Variants in RAPGEF5 observed in about 807,000 individuals in gnomAD.
RAPGEF5 encodes the protein Rap guanine nucleotide exchange factor 5, also known as M-Ras-regulated GEF.
In RAPGEF5, 65 loss-of-function variants were observed where a neutral mutation model predicts 125.2. The observed-to-expected ratio is 0.52, with a 90% CI of 0.43 to 0.64. The LOEUF is 0.64. Ranked by LOEUF, RAPGEF5 falls within the 30% of genes least tolerant of loss-of-function variation. RAPGEF5 has a pLI of 0.00. For missense variants in RAPGEF5, 958 were observed against 1,048.1 expected (o/e 0.91, Z 1.19); for synonymous variants, 391 against 385.9 (o/e 1.01, Z -0.16).
At chr7:22,301,510 G>A (rs1193468657) in intron 5 of RAPGEF5, among the ~76,000 whole-genome samples, 1 of 151,212 alleles carries the variant, frequency 6.6e-6, no homozygotes, top group Non-Finnish European at 1.5e-5. Context: ...AGCTACTTGA[G>A]AGGCTGCGGC....
chr7:22,344,100 G>A (rs1784179489), intron 1 of RAPGEF5, among the ~76,000 whole-genome samples: 1 of 152,132 alleles, frequency 6.6e-6, no homozygotes, highest in South Asian at 2.1e-4. Flanking sequence ...CTACGGTGAA[G>A]CCCAGCATCA....
chr7:22,315,556 T>G (rs1207108558), intron 2 of RAPGEF5, 80 bp from the exon 3 acceptor site: 1 of 569,214 alleles, frequency 1.8e-6, no homozygotes, highest in South Asian at 8.0e-5. Context: ...ACTATATATA[T>G]ATATATATAT....
intron 1 of RAPGEF5, among the ~76,000 whole-genome samples, chr7:22,327,734 G>A (rs528447501): frequency 3.3e-5 from 5 of 152,312 alleles, no homozygotes; most frequent in African/African-American, 1.2e-4. Context: ...TTTTAAGGTT[G>A]TTGTAAAAAC....
chr7:22,188,192 T>C (rs750198265), intron 11 of RAPGEF5, among the ~76,000 whole-genome samples: 1 of 152,210 alleles, frequency 6.6e-6, no homozygotes, highest in Non-Finnish European at 1.5e-5. Context: ...GGGGTTATTA[T>C]GGTCTGGCAA....
At chr7:22,229,069 C>T (rs546801774) in intron 8 of RAPGEF5, among the ~76,000 whole-genome samples, 4 of 152,220 alleles carry the variant, frequency 2.6e-5, no homozygotes, top group South Asian at 2.1e-4. Flanking sequence ...AAGACTTAGG[C>T]GACCTACAGG....
In RAPGEF5 at chr7:22,162,428, G is replaced by T. The variant is rs28716840; in HGVS notation, c.1397C>A (p.Pro466His). Residue 466 changes from proline to histidine, a missense_variant, in exon 13 of 26, where the codon CCT becomes CAT. Physicochemically the swap from Pro to His is moderately conservative, Grantham distance 77 (BLOSUM62 -2). Coordinates refer to ENST00000665637, the MANE Select transcript of RAPGEF5 (RefSeq NM_012294.5). Reference protein sequence around the residue: ...QWIALYKDWLPEDEHSKMFLK... With the variant: ...QWIALYKDWLHEDEHSKMFLK... ...AAACATTTTTGAATGTTCATCTTCAGGTAACCAGTCTTTGTACAGAGCAAT... is the reference window on the plus strand; with the variant it reads ...AAACATTTTTGAATGTTCATCTTCATGTAACCAGTCTTTGTACAGAGCAAT... 0.024 allele frequency: 38,426 copies of T among 1,595,860 alleles called. 619 individuals are homozygous for T. The highest frequency in any genetic ancestry group is 0.057 in the Middle Eastern group (346 of 6,024).
chr7:22,351,455 T>A (rs932527296), intron 1 of RAPGEF5, among the ~76,000 whole-genome samples: 2 of 152,122 alleles, frequency 1.3e-5, no homozygotes, highest in South Asian at 2.1e-4. Flanking sequence ...TGAGGAAAAC[T>A]AAAGTTAATT....
intron 5 of RAPGEF5, among the ~76,000 whole-genome samples, chr7:22,302,364 G>A (rs1636897): frequency 0.46 from 69,359 of 151,944 alleles, 16,842 homozygotes; most frequent in African/African-American, 0.64. Flanking sequence ...CCTTAGGAGT[G>A]TCAGCAATGC....
intron 18 of RAPGEF5, among the ~76,000 whole-genome samples, chr7:22,147,754 T>C (rs1236642865): frequency 6.6e-6 from 1 of 152,318 alleles, no homozygotes; most frequent in East Asian, 1.9e-4. Flanking sequence ...CTTTCCAAAA[T>C]AGTTGATGTT....
intron 11 of RAPGEF5, among the ~76,000 whole-genome samples, chr7:22,175,908 C>T (rs190826773): frequency 1.6e-4 from 25 of 152,178 alleles, no homozygotes; most frequent in Non-Finnish European, 1.5e-5. Context: ...CATCATCATT[C>T]CCAATGTTAA....
chr7:22,340,146 G>A (rs539759200), intron 1 of RAPGEF5, among the ~76,000 whole-genome samples: 48 of 152,298 alleles, frequency 3.2e-4, no homozygotes, highest in African/African-American at 1.1e-3. Context: ...CTCAGCTGGG[G>A]CCAGGCAAAC....
At chr7:22,253,613 A>G (rs1786677140) in intron 7 of RAPGEF5, among the ~76,000 whole-genome samples, 1 of 152,230 alleles carries the variant, frequency 6.6e-6, no homozygotes, top group Admixed American at 6.5e-5. Flanking sequence ...CTCAGCAATT[A>G]GATGGAAAGA....
intron 11 of RAPGEF5, among the ~76,000 whole-genome samples, chr7:22,178,121 G>A (rs1011259200): frequency 6.6e-5 from 10 of 151,684 alleles, no homozygotes; most frequent in Admixed American, 2.6e-4. Context: ...TGACAATCAC[G>A]TGGAAGGACT....
chr7:22,171,799 A>G (rs538352937), intron 11 of RAPGEF5, among the ~76,000 whole-genome samples: 56 of 152,184 alleles, frequency 3.7e-4, no homozygotes, highest in African/African-American at 1.3e-3. Context: ...GTTGCCAGCC[A>G]TTTTCTTTGA....
intron 9 of RAPGEF5, among the ~76,000 whole-genome samples, chr7:22,218,959 C>T (rs945112437): frequency 1.3e-5 from 2 of 152,190 alleles, no homozygotes; most frequent in African/African-American, 4.8e-5. Context: ...TACCTCCTCT[C>T]CTTCTCAGTA....
chr7:22,166,602 G>C (rs776024680), intron 12 of RAPGEF5, among the ~76,000 whole-genome samples: 1 of 152,214 alleles, frequency 6.6e-6, no homozygotes, highest in East Asian at 1.9e-4. Flanking sequence ...GGTTAGGTTC[G>C]ACCTCCCATG....
intron 3 of RAPGEF5, among the ~76,000 whole-genome samples, chr7:22,314,257 A>G (rs1284478885): frequency 2.0e-5 from 3 of 152,170 alleles, no homozygotes; most frequent in Admixed American, 2.0e-4. Flanking sequence ...GCAGGAAGGA[A>G]CCTTCTGAGG....
At chr7:22,221,213 C>A (rs1785780199) in intron 8 of RAPGEF5, among the ~76,000 whole-genome samples, 1 of 152,188 alleles carries the variant, frequency 6.6e-6, no homozygotes, top group Non-Finnish European at 1.5e-5. Flanking sequence ...CTTTTCAGTT[C>A]CTTTCTAAAG....
intron 11 of RAPGEF5, among the ~76,000 whole-genome samples, chr7:22,177,591 T>C (rs1378683139): frequency 6.6e-6 from 1 of 152,220 alleles, no homozygotes; most frequent in Non-Finnish European, 1.5e-5. Flanking sequence ...GTGCTAATGA[T>C]AATCACGGAA....
Sources: gnomAD v4.1 joint callset for allele counts (sites outside exome capture counted in the v4.1 genomes callset) on GRCh38, gnomAD v4.1.1 for gene constraint, MANE v1.5 for transcripts, NCBI Gene and HGNC (gene_info 2026-07-23, HGNC 2026-07-21) for gene names.